The following ANXA6 variants were observed in gnomAD, a reference collection of about 807,000 sequenced individuals.
The protein encoded by ANXA6 is annexin A6, also known as 67 kDa calelectrin.
In ANXA6, 71 loss-of-function variants were observed where a neutral mutation model predicts 95.4. The observed-to-expected ratio is 0.74, with a 90% CI of 0.61 to 0.91. The LOEUF (loss-of-function observed/expected upper bound fraction) is 0.91. Ranked by LOEUF, ANXA6 falls within the 40% of genes least tolerant of loss-of-function variation. ANXA6 has a pLI of 0.00. For missense variants in ANXA6, 830 were observed against 876.4 expected (o/e 0.95, Z 0.67); for synonymous variants, 289 against 315.9 (o/e 0.91, Z 0.90).
chr5:151,134,518 A>G (rs372593600), intron 7 of ANXA6, 35 bp from the exon 8 acceptor site: 10 of 1,612,220 alleles, frequency 6.2e-6, no homozygotes, highest in South Asian at 3.3e-5. Context: ...TGTTTCAAAC[A>G]CTGCAAAGTC....
At position 151,151,359 on chromosome 5, in the gene ANXA6, A is replaced by G. The variant is rs577716377; in HGVS notation, c.-25-3433T>C. 2.6e-5 allele frequency: 4 copies of G among 152,290 alleles called. No homozygotes were observed. In the East Asian group the frequency reaches 7.7e-4, roughly 29 times the overall value. The allele number at this position is 152,290 out of a possible 1,614,324, so 9.4% of individuals were successfully genotyped here. On this transcript the variant is annotated intron_variant, in intron 1 of 25. Coordinates refer to ENST00000354546, the MANE Select transcript of ANXA6 (RefSeq NM_001155.5). ...ATCCCACAAGGGCCCTTAATAATCCATGACTCCAAGTCCCTCATTTTCTAG... is the reference window on the plus strand; with the variant it reads ...ATCCCACAAGGGCCCTTAATAATCCGTGACTCCAAGTCCCTCATTTTCTAG...
At position 151,131,227 on chromosome 5, in the gene ANXA6, G is replaced by A. The variant is rs181404106; in HGVS notation, c.795+4C>T. 59 of 1,613,838 alleles carry A rather than the reference G, an allele frequency of 3.7e-5. No homozygotes were observed. Among genetic ancestry groups the A allele is most frequent in the Non-Finnish European group, 4.5e-5 (53 of 1,179,770 alleles). On this transcript the variant is annotated splice_donor_region_variant and intron_variant, in intron 11 of 25. Coordinates refer to ENST00000354546, the MANE Select transcript of ANXA6 (RefSeq NM_001155.5). The stretch of plus-strand genomic sequence containing the variant: ...ACCCCATTCACATCAGCCCCACCAC[G>A]CACCTTCATAGCCTTGAAGAGCCTT...
In ANXA6 at chr5:151,147,875, G is replaced by A. The variant is rs765674026; in HGVS notation, c.18+9C>T. 1.3e-6 allele frequency: 2 copies of A among 1,599,774 alleles called. No homozygotes were observed. The highest frequency in any genetic ancestry group is 1.7e-6 in the Non-Finnish European group (2 of 1,173,154). ...TGAGTACCACCTTCAGGAAAGAGAGGCCCCTTACCTGTGCTGGTTTGGCCA... is the reference window on the plus strand; with the variant it reads ...TGAGTACCACCTTCAGGAAAGAGAGACCCCTTACCTGTGCTGGTTTGGCCA... On this transcript the variant is annotated intron_variant, in intron 2 of 25. Transcript: ENST00000354546.
chr5:151,128,073 G>T, intron 13 of ANXA6, 108 bp downstream of exon 13: 1 of 983,242 alleles, frequency 1.0e-6, no homozygotes, highest in South Asian at 1.4e-5. Flanking sequence ...TCCTGGCTCA[G>T]GGGAATCCCC....
chr5:151,126,339 C>T, intron 14 of ANXA6, 63 bp downstream of exon 14: 1 of 1,433,338 alleles, frequency 7.0e-7, no homozygotes. Flanking sequence ...ACCAGAGCAG[C>T]AGGAAGGTGC....
intron 7 of ANXA6, among the ~76,000 whole-genome samples, chr5:151,135,341 G>A (rs776470621): frequency 6.6e-5 from 10 of 152,210 alleles, no homozygotes; most frequent in Non-Finnish European, 1.5e-4. Flanking sequence ...AGAACAAGCA[G>A]CTTTGAAAAT....
chr5:151,141,659 T>G (rs1448953182), intron 2 of ANXA6: 2 of 985,342 alleles, frequency 2.0e-6, no homozygotes, highest in Non-Finnish European at 2.4e-6. Flanking sequence ...GGTCTCTGTC[T>G]GCAGAGGCTG....
intron 17 of ANXA6, among the ~76,000 whole-genome samples, chr5:151,120,691 C>T (rs1765143118): frequency 6.6e-6 from 1 of 152,106 alleles, no homozygotes; most frequent in Admixed American, 6.5e-5. Context: ...TGCACTCCAG[C>T]CTGGGCGAAA....
intron 24 of ANXA6, 66 bp from the exon 25 acceptor site, chr5:151,103,758 C>G: frequency 1.3e-6 from 2 of 1,517,116 alleles, no homozygotes; most frequent in South Asian, 2.6e-5. Flanking sequence ...AGGCAAGAAA[C>G]AGTGGTATCC....
chr5:151,118,213 T>C (rs139888158), intron 18 of ANXA6, among the ~76,000 whole-genome samples: 17 of 152,018 alleles, frequency 1.1e-4, no homozygotes, highest in African/African-American at 4.1e-4. Context: ...ACTCCTGTAC[T>C]CAAAAATTCT....
rs186972297 is a variant in ANXA6 at position 151,150,713 on chromosome 5, C to A, written c.-25-2787G>T. Among the ~76,000 whole-genome samples the A allele has an allele frequency of 6.5e-3, 986 of 152,290 alleles. 8 individuals carry two copies. Among genetic ancestry groups the A allele is most frequent in the Non-Finnish European group, 0.01 (687 of 68,022 alleles). ...TCACCAGGAAATGGAAACTGTACCCCCTTTCCAGTGTGTGGTGGGGGGAGG... is the reference window on the plus strand; with the variant it reads ...TCACCAGGAAATGGAAACTGTACCCACTTTCCAGTGTGTGGTGGGGGGAGG... On this transcript the variant is annotated intron_variant, in intron 1 of 25. Coordinates refer to ENST00000354546, the MANE Select transcript of ANXA6 (RefSeq NM_001155.5).
chr5:151,143,121 C>A (rs1484252146), intron 2 of ANXA6, among the ~76,000 whole-genome samples: 1 of 152,152 alleles, frequency 6.6e-6, no homozygotes, highest in East Asian at 1.9e-4. Flanking sequence ...TCCCAGAAGA[C>A]CCAGAACAGA....
intron 14 of ANXA6, among the ~76,000 whole-genome samples, chr5:151,125,263 C>T (rs1311601759): frequency 6.7e-6 from 1 of 149,648 alleles, no homozygotes; most frequent in African/African-American, 2.5e-5. Context: ...GGAAGGATCA[C>T]CTGAGCCTGG....
chr5:151,121,686 G>A (rs7716383), intron 17 of ANXA6, among the ~76,000 whole-genome samples: 21,546 of 152,160 alleles, frequency 0.14, 1,621 homozygotes, highest in South Asian at 0.19. Flanking sequence ...TGGTGCTTTC[G>A]TTCGAGACCC....
intron 1 of ANXA6, among the ~76,000 whole-genome samples, chr5:151,154,327 ATATATT>A (rs1298496995): frequency 1.3e-4 from 14 of 110,298 alleles, no homozygotes; most frequent in East Asian, 5.9e-4. Context: ...ATATATATAT[ATATATT>A]GATCCCATAC....
At chr5:151,133,236 C>G in intron 8 of ANXA6, 49 bp from the exon 9 acceptor site, 1 of 1,387,796 alleles carries the variant, frequency 7.2e-7, no homozygotes, top group Non-Finnish European at 1.0e-6. Flanking sequence ...CCTCAGGAGA[C>G]AGGACACACT....
At chr5:151,138,527 G>A in intron 5 of ANXA6, 151 bp downstream of exon 5, 1 of 629,734 alleles carries the variant, frequency 1.6e-6, no homozygotes, top group South Asian at 1.9e-5. Flanking sequence ...TGCGGATCGG[G>A]ATGCTCCTCT....
At position 151,139,685 on chromosome 5, in the gene ANXA6, T is replaced by G. The variant is rs532132387; in HGVS notation, c.110-238A>C. ...GAAGGCCCCTGATCCAGCTCCTCAC[T>G]GCACAAATCAGGAAATTAAGGCCCA... On this transcript the variant is annotated intron_variant, in intron 3 of 25. Transcript: ENST00000354546. 7.9e-5 allele frequency among the ~76,000 whole-genome samples: 12 copies of G among 152,332 alleles called. No homozygotes were observed. The South Asian group carries it at 2.5e-3, about 32-fold the overall frequency.
rs1764543243 is a variant in ANXA6 at position 151,101,344 on chromosome 5, C to T, written c.*104G>A. On this transcript the variant is annotated 3_prime_UTR_variant, in exon 26 of 26. Transcript: ENST00000354546. Reference sequence around the variant, plus strand: ...AGCCCAACCCAACCCCTCCCCCCACCCCTGCCCCTTCCTTAGTCTCTGGAG... The same window carrying T: ...AGCCCAACCCAACCCCTCCCCCCACTCCTGCCCCTTCCTTAGTCTCTGGAG... The T allele has an allele frequency of 9.0e-6, 4 of 446,252 alleles. 1 individual carries two copies. Among genetic ancestry groups the T allele is most frequent in the African/African-American group, 8.5e-5 (4 of 46,928 alleles). The allele number at this position is 446,252 out of a possible 1,614,324, so 27.6% of individuals were successfully genotyped here. A position where few individuals can be genotyped will look rare whatever the true frequency, so the allele number is the denominator to read the frequency against.
Sources: gnomAD v4.1 joint callset for allele counts (sites outside exome capture counted in the v4.1 genomes callset) on GRCh38, gnomAD v4.1.1 for gene constraint, MANE v1.5 for transcripts, NCBI Gene and HGNC (gene_info 2026-07-23, HGNC 2026-07-21) for gene names.